The following CHN1 variants were observed in gnomAD, a reference collection of about 807,000 sequenced individuals.
CHN1 encodes N-chimaerin.
Under a neutral mutation model 59.5 loss-of-function variants are expected in CHN1, and 37 were observed. That is an observed-to-expected ratio of 0.62 (90% CI 0.48 to 0.82). CHN1 has a LOEUF of 0.82. CHN1 is among the 40% of genes least tolerant of loss of function. The pLI is 0.00. For missense variants in CHN1, 469 were observed against 571.0 expected (o/e 0.82, Z 1.82); for synonymous variants, 206 against 200.4 (o/e 1.03, Z -0.24).
intron 5 of CHN1, among the ~76,000 whole-genome samples, chr2:174,897,843 A>G (rs1179002128): frequency 6.6e-6 from 1 of 152,194 alleles, no homozygotes; most frequent in East Asian, 1.9e-4. Flanking sequence ...TGAAAAAAAG[A>G]GGCAGGGAGA....
chr2:174,846,444 G>A (rs1686519531), intron 7 of CHN1: 2 of 1,528,648 alleles, frequency 1.3e-6, no homozygotes, highest in Admixed American at 4.3e-5. Flanking sequence ...GAAACTATGA[G>A]AAATGCAAAC....
At chr2:174,842,207 C>G (rs1272985556) in intron 7 of CHN1, among the ~76,000 whole-genome samples, 1 of 152,028 alleles carries the variant, frequency 6.6e-6, no homozygotes, top group Non-Finnish European at 1.5e-5. Context: ...TTTTACTAGA[C>G]ATCGGGAAAG....
chr2:174,800,934 G>C (rs184822428), intron 12 of CHN1, among the ~76,000 whole-genome samples: 1 of 152,210 alleles, frequency 6.6e-6, no homozygotes, highest in East Asian at 1.9e-4. Context: ...AACTCATGGT[G>C]CTCTTAAAGA....
intron 1 of CHN1, among the ~76,000 whole-genome samples, chr2:174,960,931 A>G (rs1048044388): frequency 2.6e-5 from 4 of 151,972 alleles, no homozygotes; most frequent in African/African-American, 9.7e-5. Context: ...GTTCAAGACC[A>G]GCCTGGGCAA....
At chr2:174,942,603 A>G (rs745423525) in intron 3 of CHN1, among the ~76,000 whole-genome samples, 3 of 152,208 alleles carry the variant, frequency 2.0e-5, no homozygotes. Context: ...ATTAGCTAGA[A>G]GAGAGAATTG....
intron 6 of CHN1, among the ~76,000 whole-genome samples, chr2:174,864,023 C>T (rs1312741982): frequency 1.3e-5 from 2 of 152,056 alleles, no homozygotes; most frequent in South Asian, 2.1e-4. Context: ...TTATGAAATG[C>T]TAATCTTTCA....
intron 5 of CHN1, among the ~76,000 whole-genome samples, chr2:174,885,440 C>A (rs1322338736): frequency 6.6e-6 from 1 of 151,642 alleles, no homozygotes; most frequent in African/African-American, 2.4e-5. Context: ...AGTGTGATGA[C>A]CTATATAATA....
At chr2:174,974,964 C>T (rs1031134123) in intron 1 of CHN1, among the ~76,000 whole-genome samples, 3 of 150,916 alleles carry the variant, frequency 2.0e-5, no homozygotes, top group African/African-American at 7.3e-5. Flanking sequence ...GCTACACTGA[C>T]CACTGGAGTT....
chr2:174,955,835 G>A (rs1205386252), intron 1 of CHN1, among the ~76,000 whole-genome samples: 1 of 152,056 alleles, frequency 6.6e-6, no homozygotes, highest in Non-Finnish European at 1.5e-5. Context: ...TATAAGTGGA[G>A]CTAAGTATTG....
chr2:174,828,145 G>T (rs1387430786), intron 7 of CHN1, among the ~76,000 whole-genome samples: 1 of 152,168 alleles, frequency 6.6e-6, no homozygotes, highest in Admixed American at 6.5e-5. Flanking sequence ...TTCATGCCTG[G>T]CAGTCTATAG....
At chr2:174,964,441 T>C (rs1349430109) in intron 1 of CHN1, among the ~76,000 whole-genome samples, 2 of 152,196 alleles carry the variant, frequency 1.3e-5, no homozygotes, top group Non-Finnish European at 2.9e-5. Flanking sequence ...AAACTATCTG[T>C]AAGATGAAGA....
At position 174,834,320 on chromosome 2, in the gene CHN1, A is replaced by G. The variant is rs74611719; in HGVS notation, c.628-9802T>C. Among the ~76,000 whole-genome samples, 491 of 152,362 alleles carry G rather than the reference A, an allele frequency of 3.2e-3. 15 individuals carry two copies. In the South Asian group the frequency reaches 0.063, roughly 20 times the overall value. On this transcript the variant is annotated intron_variant, in intron 7 of 12. Transcript: ENST00000409900. ...TTAAAGATACTAAGTCAGGAAAAAT[A>G]TCTTTTAAAGTTACCCATGCTTACT... is the stretch of plus-strand genomic sequence containing the variant.
chr2:174,877,760 T>C, intron 6 of CHN1, 80 bp downstream of exon 6: 1 of 1,313,176 alleles, frequency 7.6e-7, no homozygotes, highest in Non-Finnish European at 1.0e-6. Flanking sequence ...TGTGGATAAA[T>C]CAATCTCTTC....
rs752797864 is a variant in CHN1, at chr2:174,918,495, T to C, written c.146+39A>G. The stretch of plus-strand genomic sequence containing the variant: ...CCATTTACCCTGTCTGTCTTACATA[T>C]GCCAATCTATAAAACGTTTTCTAAT... On this transcript the variant is annotated intron_variant, in intron 4 of 12. Coordinates refer to ENST00000409900, the MANE Select transcript of CHN1 (RefSeq NM_001822.7). The C allele has an allele frequency of 1.6e-5, 24 of 1,501,350 alleles. No individual in the cohort carries two copies. In the Admixed American group the frequency reaches 4.4e-4, roughly 27 times the overall value. 93.0% of individuals were successfully genotyped at this position (1,501,350 alleles called of 1,614,324 possible).
intron 6 of CHN1, among the ~76,000 whole-genome samples, chr2:174,868,993 A>T (rs1410507793): frequency 6.6e-6 from 1 of 152,200 alleles, no homozygotes; most frequent in African/African-American, 2.4e-5. Flanking sequence ...CTACTTTCCC[A>T]TCAACTGTGA....
Position 174,799,807 on chromosome 2 carries a change from C to T in CHN1, c.*309G>A, listed in dbSNP as rs540973790. The T allele has an allele frequency of 5.3e-5, 29 of 549,788 alleles. No individual in the cohort carries two copies. Among genetic ancestry groups the T allele is most frequent in the Non-Finnish European group, 7.7e-5 (22 of 287,392 alleles). The allele number at this position is 549,788 out of a possible 1,614,324, so 34.1% of individuals were successfully genotyped here. ...GCACAGACTACCCAGGACGCAGAGGCGGTGCAGGCGCAGGTTTGTTGTTTC... is the reference window on the plus strand; with the variant it reads ...GCACAGACTACCCAGGACGCAGAGGTGGTGCAGGCGCAGGTTTGTTGTTTC... On this transcript the variant is annotated 3_prime_UTR_variant, in exon 13 of 13. Transcript: ENST00000409900.
intron 1 of CHN1, among the ~76,000 whole-genome samples, chr2:174,980,676 A>G (rs1691118262): frequency 6.6e-6 from 1 of 152,182 alleles, no homozygotes; most frequent in South Asian, 2.1e-4. Context: ...GACTACAACC[A>G]ACCAATCAGT....
chr2:174,989,976 A>C (rs1156393665), intron 1 of CHN1, among the ~76,000 whole-genome samples: 1 of 152,162 alleles, frequency 6.6e-6, no homozygotes, highest in Non-Finnish European at 1.5e-5. Flanking sequence ...GATTTTGATC[A>C]ACCTTTAACT....
intron 1 of CHN1, among the ~76,000 whole-genome samples, chr2:174,987,442 C>G (rs1160235479): frequency 6.7e-6 from 1 of 148,728 alleles, no homozygotes; most frequent in Admixed American, 6.8e-5. Context: ...GAGTATAGCT[C>G]TGTCACCCAG....
Sources: gnomAD v4.1 joint callset for allele counts (sites outside exome capture counted in the v4.1 genomes callset) on GRCh38, gnomAD v4.1.1 for gene constraint, MANE v1.5 for transcripts, NCBI Gene and HGNC (gene_info 2026-07-23, HGNC 2026-07-21) for gene names.